The following SP4 variants were observed in gnomAD, a reference collection of about 807,000 sequenced individuals.
SP4 encodes the protein Sp4 transcription factor.
In SP4, 19 loss-of-function variants were observed where a neutral mutation model predicts 72.8. The observed-to-expected ratio is 0.26, with a 90% CI of 0.18 to 0.38. The LOEUF (loss-of-function observed/expected upper bound fraction) is 0.38. SP4 is among the 10% of genes least tolerant of loss of function. SP4 has a pLI of 1.00. For missense variants in SP4, 1,008 were observed against 926.3 expected (o/e 1.09, Z -1.14); for synonymous variants, 395 against 333.1 (o/e 1.19, Z -2.02).
rs764341643 is a variant in SP4, at chr7:21,429,507, GAAT to G, written c.345_347del (p.Asn116del). On this transcript the variant is annotated inframe_deletion, in exon 3 of 6. Coordinates refer to ENST00000222584, the MANE Select transcript of SP4 (RefSeq NM_003112.5). Reference sequence around the variant, plus strand: ...CCTCCACTCCTCCTGCTTCAAAAGAGAATAACGTTTCTCAACCAGCCTCTAGTT... The same window carrying G: ...CCTCCACTCCTCCTGCTTCAAAAGAGAACGTTTCTCAACCAGCCTCTAGTT... 1.2e-6 allele frequency: 2 copies of G among 1,614,178 alleles called. No homozygotes were observed. The highest frequency in any genetic ancestry group is 2.2e-5 in the South Asian group (2 of 91,088).
rs758513409 is a variant in SP4, at chr7:21,428,799, G to T, written c.123+7G>T. The T allele has an allele frequency of 8.4e-6, 13 of 1,544,268 alleles. No homozygotes were observed. In the East Asian group the frequency reaches 2.9e-4, roughly 35 times the overall value. ...CAAAACCTCAGGCTCCCAGGTAAAAGCAAACAAATTAAAAAAATTCATCAC... is the reference window on the plus strand; with the variant it reads ...CAAAACCTCAGGCTCCCAGGTAAAATCAAACAAATTAAAAAAATTCATCAC... On this transcript the variant is annotated splice_region_variant and intron_variant, in intron 2 of 5. Coordinates refer to ENST00000222584, the MANE Select transcript of SP4 (RefSeq NM_003112.5).
At chr7:21,482,561 C>A in intron 5 of SP4, 1 of 564,556 alleles carries the variant, frequency 1.8e-6, no homozygotes, top group Non-Finnish European at 2.2e-6. Context: ...AACCCTCAGT[C>A]AGAATGGTCA....
chr7:21,483,971 C>A lies in SP4; in HGVS notation c.2107+1848C>A, dbSNP rs1233401007. On this transcript the variant is annotated intron_variant, in intron 5 of 5. Coordinates refer to ENST00000222584, the MANE Select transcript of SP4 (RefSeq NM_003112.5). ...AGAAATAAAACTGACATTTCTAAAT[C>A]AGCTGCTATATTATAGTCAGATATT... Among the ~76,000 whole-genome samples the A allele has an allele frequency of 2.0e-5, 3 of 151,826 alleles. 1 individual carries two copies. The highest frequency in any genetic ancestry group is 2.9e-5 in the Non-Finnish European group (2 of 67,800).
rs546348394 is a variant in SP4 at position 21,484,671 on chromosome 7, A to G, written c.2107+2548A>G. ...ATACTCTGCTATTTAGGTCTGCATG[A>G]AAGGATGCAGTGTTTCCATCCTGGA... On this transcript the variant is annotated intron_variant, in intron 5 of 5. Coordinates refer to ENST00000222584, the MANE Select transcript of SP4 (RefSeq NM_003112.5). 5.9e-5 allele frequency among the ~76,000 whole-genome samples: 9 copies of G among 152,016 alleles called. No individual in the cohort carries two copies. In the South Asian group the frequency reaches 1.7e-3, roughly 28 times the overall value.
In SP4 at chr7:21,428,403, G is replaced by A. The variant is rs369527786; in HGVS notation, c.7+145G>A. The A allele has an allele frequency of 1.1e-4, 79 of 688,534 alleles. 1 individual carries two copies. Among genetic ancestry groups the A allele is most frequent in the East Asian group, 6.5e-4 (24 of 37,004 alleles). The allele number at this position is 688,534 out of a possible 1,614,324, so 42.7% of individuals were successfully genotyped here. On this transcript the variant is annotated intron_variant, in intron 1 of 5. Transcript: ENST00000222584. ...AGAGGGCGGGAGGGAATCGGGGAGG[G>A]AAGGAGGGTTGTGTTTTGTCTTAAT...
intron 5 of SP4, among the ~76,000 whole-genome samples, chr7:21,488,660 T>G (rs1025258397): frequency 2.0e-5 from 3 of 152,030 alleles, no homozygotes; most frequent in African/African-American, 7.2e-5. Flanking sequence ...CTCAGGAGGC[T>G]GAGGCGGGAG....
intron 3 of SP4, among the ~76,000 whole-genome samples, chr7:21,442,334 C>T (rs2128395057): frequency 6.6e-6 from 1 of 152,318 alleles, no homozygotes; most frequent in Middle Eastern, 3.4e-3. Context: ...GCCACCACGC[C>T]TGGGCCCATT....
At chr7:21,477,490 C>T (rs1213566607) in intron 4 of SP4, among the ~76,000 whole-genome samples, 183 bp downstream of exon 4, 1 of 152,294 alleles carries the variant, frequency 6.6e-6, no homozygotes, top group East Asian at 1.9e-4. Context: ...AGCGGTCCTC[C>T]GCCTTGTTCC....
chr7:21,453,014 G>T (rs1166146725), intron 3 of SP4, among the ~76,000 whole-genome samples: 1 of 152,104 alleles, frequency 6.6e-6, no homozygotes. Context: ...TCCTGACCTT[G>T]TGATCTGCCT....
intron 5 of SP4, among the ~76,000 whole-genome samples, chr7:21,502,040 A>AACCCCCCCCCC (rs1554301402): frequency 1.4e-5 from 1 of 72,280 alleles, no homozygotes; most frequent in Non-Finnish European, 2.4e-5. Flanking sequence ...TTCATTAGGC[A>AACCCCCCCCCC]CCCCCCCCCC....
rs543896177 is a variant in SP4, at chr7:21,461,514, C to T, written c.1679-15565C>T. On this transcript the variant is annotated intron_variant, in intron 3 of 5. Transcript: ENST00000222584. ...CCTCACTGCCGGGGGCCAGCAGGGC[C>T]GGCCGGCAGGCCAGCCGCTCCAAGT... Among the ~76,000 whole-genome samples the T allele has an allele frequency of 8.5e-5, 13 of 152,288 alleles. No homozygotes were observed. In the South Asian group the frequency reaches 1.5e-3, roughly 17 times the overall value.
chr7:21,465,204 A>G (rs1234335973), intron 3 of SP4, among the ~76,000 whole-genome samples: 2 of 152,216 alleles, frequency 1.3e-5, no homozygotes, highest in Non-Finnish European at 1.5e-5. Context: ...TTTTCTCTCC[A>G]ACACCAAATG....
At position 21,428,702 on chromosome 7, in the gene SP4, G is replaced by A; in HGVS notation, c.33G>A (p.Glu11=). 3 of 1,554,578 alleles carry A rather than the reference G, an allele frequency of 1.9e-6. No homozygotes were observed. The highest frequency in any genetic ancestry group is 1.7e-4 in the Middle Eastern group (1 of 5,978). ...ATCAGAAGAAGGAGGAGGAGGAGGA[G>A]GCGGCAGCGGCAGCGGCGATGGCTA... The part of the protein sequence containing the change: MSDQKKEEEE[E]AAAAAAMATE... The change falls in exon 2 of 6, where the codon GAG becomes GAA. Residue 11 remains glutamate (E), a synonymous_variant. Transcript: ENST00000222584.
chr7:21,488,843 A>G (rs1237312047), intron 5 of SP4, among the ~76,000 whole-genome samples: 2 of 152,214 alleles, frequency 1.3e-5, no homozygotes, highest in East Asian at 1.9e-4. Flanking sequence ...ACGATGTCAT[A>G]TAGATATGCA....
Position 21,501,665 on chromosome 7 carries a change from A to AATC in SP4, c.2108-9355_2108-9354insCAT, listed in dbSNP as rs1319851512. Among the ~76,000 whole-genome samples the AATC allele has an allele frequency of 2.6e-5, 4 of 152,160 alleles. No individual in the cohort carries two copies. In the East Asian group the frequency reaches 7.7e-4, roughly 29 times the overall value. ...AAACCAATCTTCTAGCCAACCCATA[A>AATC]ATGGGTCATCAATTCCAGCATTTTC... is the stretch of plus-strand genomic sequence containing the variant. On this transcript the variant is annotated intron_variant, in intron 5 of 5. Coordinates refer to ENST00000222584, the MANE Select transcript of SP4 (RefSeq NM_003112.5).
chr7:21,450,069 A>T (rs1037524385), intron 3 of SP4, among the ~76,000 whole-genome samples: 1 of 152,202 alleles, frequency 6.6e-6, no homozygotes, highest in East Asian at 1.9e-4. Flanking sequence ...TTTATGTCCC[A>T]CATCTACCCA....
intron 3 of SP4, among the ~76,000 whole-genome samples, chr7:21,442,626 G>A (rs1048750820): frequency 2.6e-5 from 4 of 152,134 alleles, no homozygotes; most frequent in African/African-American, 9.7e-5. Context: ...GTGATAACTG[G>A]AGCTGAGACT....
chr7:21,477,745 G>A (rs1784550088), intron 4 of SP4, among the ~76,000 whole-genome samples: 1 of 151,940 alleles, frequency 6.6e-6, no homozygotes, highest in African/African-American at 2.4e-5. Context: ...TTCACCATGT[G>A]GGCCAGGCTG....
In SP4 at chr7:21,428,738, GA is replaced by G; in HGVS notation, c.73del (p.Thr25ProfsTer34). ...AAAAMATEGG[K>X]TSEPENNNKK... ...CAGCGGCGATGGCTACAGAAGGAGG[GA>G]AAACCTCTGAGCCAGAGAATAACAA... On this transcript the variant is annotated frameshift_variant, in exon 2 of 6. Coordinates refer to ENST00000222584, the MANE Select transcript of SP4 (RefSeq NM_003112.5). LOFTEE classifies it high-confidence loss of function. 1 of 1,553,734 alleles carries G rather than the reference GA, an allele frequency of 6.4e-7. No individual in the cohort carries two copies. Among genetic ancestry groups the G allele is most frequent in the South Asian group, 1.2e-5 (1 of 84,186 alleles).
Sources: gnomAD v4.1 joint callset for allele counts (sites outside exome capture counted in the v4.1 genomes callset) on GRCh38, gnomAD v4.1.1 for gene constraint, MANE v1.5 for transcripts, NCBI Gene and HGNC (gene_info 2026-07-23, HGNC 2026-07-21) for gene names.